Variants in PEX13 observed in about 807,000 individuals in gnomAD.
PEX13 encodes peroxisome biogenesis factor 13.
A neutral mutation model predicts 34.5 loss-of-function variants in PEX13; 28 were observed. That is an observed-to-expected ratio of 0.81 (90% CI 0.60 to 1.11). PEX13 has a LOEUF of 1.11. Ranked by LOEUF, PEX13 falls within the 50% of genes most tolerant of loss-of-function variation. The pLI, the probability that PEX13 is intolerant of heterozygous loss-of-function variation, is 0.00. For missense variants in PEX13, 550 were observed against 491.0 expected, an observed-to-expected ratio of 1.12 and a Z score of -1.13; for synonymous variants, 177 against 175.1, an observed-to-expected ratio of 1.01 and a Z score of -0.09.
intron 3 of PEX13, among the ~76,000 whole-genome samples, chr2:61,047,801 T>C (rs1680727470): frequency 6.6e-6 from 1 of 152,244 alleles, no homozygotes; most frequent in Non-Finnish European, 1.5e-5. Context: ...TAAATTATAA[T>C]GTTGAACTAA....
chr2:61,034,415 A>C (rs184110171), intron 2 of PEX13, among the ~76,000 whole-genome samples: 6 of 152,352 alleles, frequency 3.9e-5, no homozygotes, highest in Non-Finnish European at 8.8e-5. Context: ...TGATATCTGC[A>C]TCTCCAACTG....
At chr2:61,038,645 TATC>T (rs547574439) in intron 2 of PEX13, among the ~76,000 whole-genome samples, 327 of 152,310 alleles carry the variant, frequency 2.1e-3, no homozygotes, top group Admixed American at 3.7e-3. Flanking sequence ...CCACACCTAA[TATC>T]ATACTGAATG....
At chr2:61,036,395 C>T (rs1286843730) in intron 2 of PEX13, among the ~76,000 whole-genome samples, 1 of 152,176 alleles carries the variant, frequency 6.6e-6, no homozygotes, top group Non-Finnish European at 1.5e-5. Context: ...GGCCGGATTA[C>T]CCACAAAGGG....
rs1680617688 is a variant in PEX13 at position 61,041,022 on chromosome 2, TAAG to T, written c.788-4702_788-4700del. Among the ~76,000 whole-genome samples the T allele has an allele frequency of 2.6e-5, 4 of 151,948 alleles. No individual in the cohort carries two copies. In the South Asian group the frequency reaches 8.3e-4, roughly 32 times the overall value. The stretch of plus-strand genomic sequence containing the variant: ...CTCAGCATGGCAGTGACATGGGTCC[TAAG>T]ATAGAGTCAGATTGGGATTACTCAC... On this transcript the variant is annotated intron_variant, in intron 2 of 3. Coordinates refer to ENST00000295030, the MANE Select transcript of PEX13 (RefSeq NM_002618.4).
chr2:61,042,226 T>C (rs1573558966), intron 2 of PEX13, among the ~76,000 whole-genome samples: 1 of 152,354 alleles, frequency 6.6e-6, no homozygotes, highest in East Asian at 1.9e-4. Context: ...ATACATATTG[T>C]TATGGCTGCT....
At chr2:61,037,358 A>G (rs1375146587) in intron 2 of PEX13, among the ~76,000 whole-genome samples, 2 of 152,216 alleles carry the variant, frequency 1.3e-5, no homozygotes, top group African/African-American at 2.4e-5. Flanking sequence ...AAAATTGACC[A>G]CACAATTGGA....
intron 1 of PEX13, among the ~76,000 whole-genome samples, chr2:61,030,082 C>T (rs749240097): frequency 4.6e-5 from 7 of 152,048 alleles, no homozygotes; most frequent in Non-Finnish European, 7.4e-5. Context: ...CCCACAGATA[C>T]CAAGGGCTGC....
At position 61,017,803 on chromosome 2, in the gene PEX13, G is replaced by A. The variant is rs576438646; in HGVS notation, c.44G>A (p.Arg15His). The A allele has an allele frequency of 1.3e-6, 2 of 1,550,518 alleles. No homozygotes were observed. Among genetic ancestry groups the A allele is most frequent in the South Asian group, 2.4e-5 (2 of 84,010 alleles). ...CCTCCCCCCAAACCCTGGGAGACCC[G>A]CCGAATTCCGGGAGCCGGACCGGGA... Reference protein sequence around the residue: ...PPPPPKPWETRRIPGAGPGPG... With the variant: ...PPPPPKPWETHRIPGAGPGPG... Residue 15 changes from arginine (R) to histidine (H), a missense_variant, in exon 1 of 4, where the codon CGC (arginine) becomes CAC (histidine). By Grantham distance (29) the Arg-to-His change is conservative. Transcript: ENST00000295030.
At chr2:61,027,275 G>A (rs1409148222) in intron 1 of PEX13, among the ~76,000 whole-genome samples, 1 of 150,192 alleles carries the variant, frequency 6.7e-6, no homozygotes, top group Non-Finnish European at 1.5e-5. Flanking sequence ...GGAGTTTGAG[G>A]TTGCAGTGAG....
chr2:61,029,910 G>A (rs1019830445), intron 1 of PEX13, among the ~76,000 whole-genome samples: 6 of 151,964 alleles, frequency 3.9e-5, no homozygotes, highest in African/African-American at 1.2e-4. Flanking sequence ...TACAGTATAA[G>A]TAATTACATA....
At chr2:61,040,534 A>C (rs1454727040) in intron 2 of PEX13, among the ~76,000 whole-genome samples, 1 of 152,036 alleles carries the variant, frequency 6.6e-6, no homozygotes, top group Non-Finnish European at 1.5e-5. Flanking sequence ...GGAGTTGAAC[A>C]ATGAGAACAC....
In PEX13 at chr2:61,041,919, C is replaced by A. The variant is rs540085807; in HGVS notation, c.788-3807C>A. On this transcript the variant is annotated intron_variant, in intron 2 of 3. Coordinates refer to ENST00000295030, the MANE Select transcript of PEX13 (RefSeq NM_002618.4). ...GTAAAAAGGAAGGACGGTTTTTTAT[C>A]TGAGTCAAAAGGAGAGGAAATCGGT... is the stretch of plus-strand genomic sequence containing the variant. Among the ~76,000 whole-genome samples the A allele has an allele frequency of 2.0e-5, 3 of 152,212 alleles. No homozygotes were observed. In the South Asian group the frequency reaches 6.2e-4, roughly 32 times the overall value.
chr2:61,035,212 A>G (rs1475988926), intron 2 of PEX13, among the ~76,000 whole-genome samples: 2 of 152,194 alleles, frequency 1.3e-5, no homozygotes, highest in African/African-American at 4.8e-5. Context: ...GCAAACTCCA[A>G]CAGACCTGCA....
At chr2:61,032,915 T>C (rs927293166) in intron 2 of PEX13, among the ~76,000 whole-genome samples, 1 of 152,220 alleles carries the variant, frequency 6.6e-6, no homozygotes, top group Non-Finnish European at 1.5e-5. Context: ...TGTCCTATAG[T>C]ATTGCATTGG....
intron 2 of PEX13, among the ~76,000 whole-genome samples, chr2:61,041,916 T>TA: frequency 6.6e-6 from 1 of 152,324 alleles, no homozygotes; most frequent in East Asian, 1.9e-4. Flanking sequence ...GACGGTTTTT[T>TA]ATCTGAGTCA....
intron 1 of PEX13, among the ~76,000 whole-genome samples, chr2:61,023,488 T>C (rs1680300418): frequency 6.6e-6 from 1 of 152,168 alleles, no homozygotes; most frequent in Admixed American, 6.5e-5. Flanking sequence ...TTCATTTCTT[T>C]TTTTAATTCA....
chr2:61,046,437 A>T (rs1410909540), intron 3 of PEX13, among the ~76,000 whole-genome samples: 1 of 152,098 alleles, frequency 6.6e-6, no homozygotes, highest in Non-Finnish European at 1.5e-5. Context: ...GATTATCAGG[A>T]TTTTTATGGA....
intron 2 of PEX13, among the ~76,000 whole-genome samples, chr2:61,038,155 C>T (rs1464083221): frequency 6.6e-6 from 1 of 152,196 alleles, no homozygotes; most frequent in Non-Finnish European, 1.5e-5. Flanking sequence ...GACAGATTCA[C>T]AGCCAAATTC....
chr2:61,024,354 C>T (rs1296034743), intron 1 of PEX13, among the ~76,000 whole-genome samples: 1 of 152,188 alleles, frequency 6.6e-6, no homozygotes, highest in Non-Finnish European at 1.5e-5. Context: ...ACTCCTTTAA[C>T]TCAACTTGCA....
Sources: gnomAD v4.1 joint callset for allele counts (sites outside exome capture counted in the v4.1 genomes callset) on GRCh38, gnomAD v4.1.1 for gene constraint, MANE v1.5 for transcripts, NCBI Gene and HGNC (gene_info 2026-07-23, HGNC 2026-07-21) for gene names.